Variants in STK33 observed in about 807,000 individuals in gnomAD.
The protein encoded by STK33 is serine/threonine-protein kinase 33.
In STK33, 52 loss-of-function variants were observed where a neutral mutation model predicts 58.0. The ratio of observed to expected loss-of-function variants is 0.90; its 90% confidence interval spans 0.72 to 1.13. The LOEUF is 1.13. STK33 is among the 50% of genes most tolerant of loss of function. STK33 has a pLI of 0.00. For synonymous variants in STK33, 215 were observed against 200.1 expected (o/e 1.07, Z -0.63); for missense variants, 630 against 604.2 (o/e 1.04, Z -0.45).
intron 6 of STK33, among the ~76,000 whole-genome samples, chr11:8,468,873 T>C (rs1179223016): frequency 1.3e-5 from 2 of 152,228 alleles, no homozygotes; most frequent in African/African-American, 4.8e-5. Flanking sequence ...ATAAAGCATA[T>C]AAAAGTTATG....
chr11:8,522,798 C>G (rs1048965019), intron 1 of STK33, among the ~76,000 whole-genome samples: 1 of 152,154 alleles, frequency 6.6e-6, no homozygotes, highest in Non-Finnish European at 1.5e-5. Flanking sequence ...CTACGGTCTC[C>G]CTCTCCCTCG....
At chr11:8,470,915 A>C (rs756221500) in intron 6 of STK33, among the ~76,000 whole-genome samples, 1 of 152,222 alleles carries the variant, frequency 6.6e-6, no homozygotes, top group African/African-American at 2.4e-5. Flanking sequence ...AGTTTGAAAT[A>C]CTGTGAGAAT....
the STK33 span, among the ~76,000 whole-genome samples, chr11:8,370,286 C>A: frequency 5.9e-5 from 9 of 152,136 alleles, no homozygotes; most frequent in Admixed American, 5.2e-4. Flanking sequence ...CAGCCTCCAA[C>A]TCCTGGGCTC....
At chr11:8,384,443 C>G in the STK33 span, among the ~76,000 whole-genome samples, 1 of 152,204 alleles carries the variant, frequency 6.6e-6, no homozygotes, top group African/African-American at 2.4e-5. Context: ...CTCCACCAGC[C>G]TCTTGCGGGA....
chr11:8,415,122 A>G (rs1940929722), intron 14 of STK33, among the ~76,000 whole-genome samples: 1 of 151,920 alleles, frequency 6.6e-6, no homozygotes, highest in African/African-American at 2.4e-5. Flanking sequence ...CTCTAACTTA[A>G]TTTTCATAAA....
intron 1 of STK33, among the ~76,000 whole-genome samples, chr11:8,587,185 T>C (rs1221906464): frequency 1.3e-5 from 2 of 152,218 alleles, no homozygotes; most frequent in Non-Finnish European, 2.9e-5. Context: ...TGAAGCTCCC[T>C]TCAAACTCTA....
At chr11:8,577,232 G>T (rs1316970895) in intron 1 of STK33, among the ~76,000 whole-genome samples, 2 of 152,042 alleles carry the variant, frequency 1.3e-5, no homozygotes, top group African/African-American at 4.8e-5. Flanking sequence ...TATATTTCTG[G>T]ATAAAAGATT....
intron 1 of STK33, among the ~76,000 whole-genome samples, chr11:8,523,757 C>T (rs369428673): frequency 4.6e-5 from 7 of 151,596 alleles, no homozygotes; most frequent in East Asian, 2.0e-4. Flanking sequence ...CGCCTCTGCC[C>T]GGCCGCCGCG....
At chr11:8,472,338 A>C (rs766511302) in intron 6 of STK33, among the ~76,000 whole-genome samples, 15 of 152,200 alleles carry the variant, frequency 9.9e-5, no homozygotes, top group Non-Finnish European at 1.9e-4. Context: ...CTTTTAAAAC[A>C]AGTTTTGACA....
intron 1 of STK33, among the ~76,000 whole-genome samples, chr11:8,541,712 C>G (rs1161827823): frequency 6.6e-6 from 1 of 152,094 alleles, no homozygotes; most frequent in African/African-American, 2.4e-5. Context: ...GTCTGTGGTA[C>G]TACAAGCCCC....
At chr11:8,574,520 T>C (rs527947157) in intron 1 of STK33, among the ~76,000 whole-genome samples, 2 of 152,214 alleles carry the variant, frequency 1.3e-5, no homozygotes, top group Non-Finnish European at 2.9e-5. Context: ...TAGACCCATA[T>C]AGCCTTGCTA....
At chr11:8,373,733 G>C in the STK33 span, among the ~76,000 whole-genome samples, 1 of 152,172 alleles carries the variant, frequency 6.6e-6, no homozygotes, top group African/African-American at 2.4e-5. Flanking sequence ...GGCCCAGGCT[G>C]CAGGTTGTGG....
chr11:8,461,952 C>T (rs1301244604), intron 7 of STK33, 43 bp from the exon 8 acceptor site: 1 of 1,424,598 alleles, frequency 7.0e-7, no homozygotes, highest in Non-Finnish European at 9.5e-7. Flanking sequence ...ATGAAAATCA[C>T]TCCTACATTC....
At chr11:8,558,351 G>A (rs909915190) in intron 1 of STK33, among the ~76,000 whole-genome samples, 8 of 148,166 alleles carry the variant, frequency 5.4e-5, no homozygotes, top group South Asian at 4.2e-4. Flanking sequence ...AAGGACTTAC[G>A]GGGGAAATGT....
At chr11:8,563,881 A>G (rs900721452) in intron 1 of STK33, among the ~76,000 whole-genome samples, 2 of 152,184 alleles carry the variant, frequency 1.3e-5, no homozygotes, top group African/African-American at 4.8e-5. Context: ...GGAGCCAGGA[A>G]GAAACCTGGC....
chr11:8,400,559 C>A (rs1379251897), intron 15 of STK33, among the ~76,000 whole-genome samples: 8 of 152,146 alleles, frequency 5.3e-5, no homozygotes, highest in Admixed American at 1.3e-4. Context: ...AAAACTGGCA[C>A]AAGACAGGGA....
intron 8 of STK33, among the ~76,000 whole-genome samples, chr11:8,459,599 T>C (rs1947276264): frequency 6.6e-6 from 1 of 152,008 alleles, no homozygotes; most frequent in African/African-American, 2.4e-5. Flanking sequence ...AGAGAGGAAA[T>C]ACATGAGGCA....
At chr11:8,532,172 G>C (rs893358918) in intron 1 of STK33, among the ~76,000 whole-genome samples, 4 of 152,236 alleles carry the variant, frequency 2.6e-5, no homozygotes, top group Admixed American at 1.3e-4. Flanking sequence ...GTACAGAACA[G>C]GGATCTACAT....
chr11:8,341,895 T>A, the STK33 span, among the ~76,000 whole-genome samples: 1 of 152,190 alleles, frequency 6.6e-6, no homozygotes, highest in Non-Finnish European at 1.5e-5. Flanking sequence ...CAAACCAAAC[T>A]TGGGCCCACC....
Sources: gnomAD v4.1 joint callset for allele counts (sites outside exome capture counted in the v4.1 genomes callset) on GRCh38, gnomAD v4.1.1 for gene constraint, MANE v1.5 for transcripts, NCBI Gene and HGNC (gene_info 2026-07-23, HGNC 2026-07-21) for gene names.